Variants in DNAJC16 observed in about 807,000 individuals in gnomAD.
DNAJC16 encodes the protein dnaJ homolog subfamily C member 16.
A neutral mutation model predicts 92.7 loss-of-function variants in DNAJC16; 76 were observed. The observed-to-expected ratio is 0.82, with a 90% confidence interval of 0.68 to 0.99. The LOEUF is 0.99. Ranked by LOEUF, DNAJC16 falls within the 50% of genes least tolerant of loss-of-function variation. DNAJC16 has a pLI of 0.00. For synonymous variants in DNAJC16, 328 were observed against 358.7 expected (o/e 0.91, Z 0.97); for missense variants, 869 against 942.4 (o/e 0.92, Z 1.02).
intron 1 of DNAJC16, among the ~76,000 whole-genome samples, chr1:15,527,855 G>A (rs761892828): frequency 2.3e-4 from 35 of 152,036 alleles, no homozygotes; most frequent in Admixed American, 3.9e-4. Context: ...GTATTAACTT[G>A]TGAGAAATCA....
intron 7 of DNAJC16, among the ~76,000 whole-genome samples, chr1:15,554,100 G>T (rs897978855): frequency 1.3e-5 from 2 of 152,072 alleles, no homozygotes; most frequent in Non-Finnish European, 2.9e-5. Flanking sequence ...CTACTTGGAG[G>T]GCTGAGGCAG....
At chr1:15,550,467 C>G (rs1638419799) in intron 7 of DNAJC16, among the ~76,000 whole-genome samples, 1 of 152,236 alleles carries the variant, frequency 6.6e-6, no homozygotes, top group South Asian at 2.1e-4. Flanking sequence ...TCCTGTTGCT[C>G]TAGGTAATTT....
rs1638867789 is a variant in DNAJC16, at chr1:15,568,299, C to A, written c.*122C>A. 1.2e-6 allele frequency: 1 copy of A among 837,904 alleles called. No individual in the cohort carries two copies. The highest frequency in any genetic ancestry group is 1.7e-5 in the African/African-American group (1 of 58,838). 51.9% of individuals were successfully genotyped at this position (837,904 alleles called of 1,614,324 possible). A position where few individuals can be genotyped will look rare whatever the true frequency, so the allele number is the denominator to read the frequency against. On this transcript the variant is annotated 3_prime_UTR_variant, in exon 15 of 15. Coordinates refer to ENST00000375847, the MANE Select transcript of DNAJC16 (RefSeq NM_015291.4). ...TAGATTTTAGATTGCTCTTCTAGAA[C>A]CATGGCTAGAAGAATCTTTCCTTTG... is the stretch of plus-strand genomic sequence containing the variant.
chr1:15,539,045 G>A (rs1710863824), intron 4 of DNAJC16, among the ~76,000 whole-genome samples: 1 of 152,130 alleles, frequency 6.6e-6, no homozygotes, highest in Non-Finnish European at 1.5e-5. Flanking sequence ...TGTGATATGT[G>A]TTTAGGATTG....
chr1:15,554,429 T>C (rs116459283), intron 7 of DNAJC16, among the ~76,000 whole-genome samples: 1,746 of 152,262 alleles, frequency 0.011, 41 homozygotes, highest in African/African-American at 0.039. Flanking sequence ...CTATTTAAGA[T>C]ATACTTCCCC....
chr1:15,565,612 C>A (rs879560466), intron 11 of DNAJC16: 2 of 272,218 alleles, frequency 7.3e-6, no homozygotes, highest in Admixed American at 1.0e-4. Flanking sequence ...AAAATTCTTC[C>A]ATGTTTACAC....
rs471727 is a variant in DNAJC16 at position 15,551,017 on chromosome 1, C to G, written c.1023+2589C>G. On this transcript the variant is annotated intron_variant, in intron 7 of 14. Coordinates refer to ENST00000375847, the MANE Select transcript of DNAJC16 (RefSeq NM_015291.4). The stretch of plus-strand genomic sequence containing the variant: ...CCCGAGTTGCTGGGATTACAGGCAC[C>G]TGCCACCATGCCCGGCTAATTTTTG... Among the ~76,000 whole-genome samples the G allele has an allele frequency of 7.6e-3, 1,160 of 152,232 alleles. 15 individuals carry two copies. The highest frequency in any genetic ancestry group is 0.026 in the African/African-American group (1,069 of 41,528).
chr1:15,533,802 C>T (rs1710717014), intron 2 of DNAJC16, among the ~76,000 whole-genome samples: 1 of 152,186 alleles, frequency 6.6e-6, no homozygotes, highest in Admixed American at 6.5e-5. Context: ...TCATGTCTAC[C>T]TGTGTTATCA....
Position 15,529,206 on chromosome 1 carries a change from T to TA in DNAJC16, c.102dup (p.Gly35ArgfsTer10). ...TTGGATTTTGACCCATACAGAGTCC[T>TA]AGGGGTCAGCCGAACAGCCAGTCAG... On this transcript the variant is annotated frameshift_variant, in exon 2 of 15. Transcript: ENST00000375847. LOFTEE classifies it high-confidence loss of function. The TA allele has an allele frequency of 1.2e-6, 2 of 1,613,810 alleles. No individual in the cohort carries two copies. The highest frequency in any genetic ancestry group is 1.7e-6 in the Non-Finnish European group (2 of 1,179,786).
intron 4 of DNAJC16, among the ~76,000 whole-genome samples, chr1:15,537,152 C>T (rs1710812202): frequency 6.6e-6 from 1 of 152,078 alleles, no homozygotes; most frequent in Non-Finnish European, 1.5e-5. Context: ...TGCCTGGCCC[C>T]AAAGCAGGTT....
chr1:15,529,945 T>G (rs983939522), intron 2 of DNAJC16, among the ~76,000 whole-genome samples: 19 of 152,320 alleles, frequency 1.2e-4, no homozygotes, highest in African/African-American at 4.6e-4. Context: ...GTGCAAATGG[T>G]TGTTATACTG....
At chr1:15,558,262 T>C (rs542158073) in intron 7 of DNAJC16, among the ~76,000 whole-genome samples, 8 of 147,862 alleles carry the variant, frequency 5.4e-5, no homozygotes, top group African/African-American at 2.0e-4. Flanking sequence ...CTCACTGCAG[T>C]CTCTTAAGTC....
chr1:15,547,706 T>A (rs1469240737), intron 6 of DNAJC16, among the ~76,000 whole-genome samples: 4 of 152,132 alleles, frequency 2.6e-5, no homozygotes. Flanking sequence ...CCTCCCAAAG[T>A]GCTGGGATTA....
At chr1:15,533,561 G>A (rs1710708659) in intron 2 of DNAJC16, among the ~76,000 whole-genome samples, 1 of 152,202 alleles carries the variant, frequency 6.6e-6, no homozygotes, top group Non-Finnish European at 1.5e-5. Context: ...CTGGGAGGCA[G>A]AGGTTGCAGT....
intron 8 of DNAJC16, chr1:15,560,307 C>T (rs1264506986): frequency 1.3e-5 from 2 of 152,146 alleles, no homozygotes; most frequent in African/African-American, 4.8e-5. Flanking sequence ...AGTGACTGTC[C>T]CTACTAAAGC....
intron 7 of DNAJC16, among the ~76,000 whole-genome samples, chr1:15,552,524 C>CCAA (rs1214702069): frequency 6.6e-6 from 1 of 151,690 alleles, no homozygotes; most frequent in Non-Finnish European, 1.5e-5. Context: ...GATCAGTGGA[C>CCAA]CAATATTCAC....
At chr1:15,553,331 T>G (rs1343488180) in intron 7 of DNAJC16, among the ~76,000 whole-genome samples, 2 of 151,958 alleles carry the variant, frequency 1.3e-5, no homozygotes, top group East Asian at 3.9e-4. Flanking sequence ...GCCTCCCGGG[T>G]TCAAGCGATT....
intron 5 of DNAJC16, 37 bp from the exon 6 acceptor site, chr1:15,546,730 T>G: frequency 1.3e-6 from 2 of 1,500,044 alleles, no homozygotes; most frequent in Non-Finnish European, 1.9e-6. Flanking sequence ...TTGTTAAGAA[T>G]TAAATATTGA....
Position 15,565,974 on chromosome 1 carries a change from G to A in DNAJC16, c.1654G>A (p.Gly552Ser), listed in dbSNP as rs575324634. Reference protein sequence around the residue: ...LIFSALFILFGTVIVQAFSDS... With the variant: ...LIFSALFILFSTVIVQAFSDS... ...CTTCTCTGCCCTCTTCATCCTCTTCGGCACTGTCATCGTTCAGGCTTTCAG... is the reference window on the plus strand; with the variant it reads ...CTTCTCTGCCCTCTTCATCCTCTTCAGCACTGTCATCGTTCAGGCTTTCAG... The change falls in exon 12 of 15, where the codon GGC (glycine) becomes AGC (serine). Residue 552 changes from glycine (G) to serine (S), a missense_variant. By Grantham distance (56) the Gly-to-Ser change is moderately conservative. Coordinates refer to ENST00000375847, the MANE Select transcript of DNAJC16 (RefSeq NM_015291.4). 2.5e-5 allele frequency: 41 copies of A among 1,613,384 alleles called. No individual in the cohort carries two copies. The highest frequency in any genetic ancestry group is 6.7e-5 in the African/African-American group (5 of 74,740).
Sources: allele counts gnomAD v4.1 joint callset (sites outside exome capture counted in the v4.1 genomes callset), GRCh38; gene constraint gnomAD v4.1.1; transcripts MANE v1.5; gene names NCBI Gene and HGNC (gene_info 2026-07-23, HGNC 2026-07-21).